ZDHHC14: variants seen among roughly 807,000 people sequenced by gnomAD.
ZDHHC14 encodes zDHHC palmitoyltransferase 14, also known as palmitoyltransferase ZDHHC14.
In ZDHHC14, 16 loss-of-function variants were observed where a neutral mutation model predicts 47.7. The ratio of observed to expected loss-of-function variants is 0.34; its 90% CI spans 0.23 to 0.51. The LOEUF (loss-of-function observed/expected upper bound fraction) is 0.51. ZDHHC14 is among the 20% of genes least tolerant of loss of function. The probability of loss-of-function intolerance (pLI) is 0.97; values close to 1 mark genes in which losing one functional copy is unlikely to be tolerated. For synonymous variants in ZDHHC14, 293 were observed against 278.9 expected, an observed-to-expected ratio of 1.05 and a Z score of -0.50; for missense variants, 515 against 662.5, an observed-to-expected ratio of 0.78 and a Z score of 2.44.
In ZDHHC14 at chr6:157,478,992, A is replaced by G. The variant is rs558074956; in HGVS notation, c.246-63593A>G. Among the ~76,000 whole-genome samples, 13 of 152,308 alleles carry G rather than the reference A, an allele frequency of 8.5e-5. No individual in the cohort carries two copies. In the East Asian group the frequency reaches 2.5e-3, roughly 29 times the overall value. ...ATGCCAACCCAGTGACACCCAGGAA[A>G]GGTCCGCGGGGAGACATAATGTCAG... On this transcript the variant is annotated intron_variant, in intron 1 of 8. Transcript: ENST00000359775.
chr6:157,491,594 A>G (rs1387619840), intron 1 of ZDHHC14, among the ~76,000 whole-genome samples: 1 of 152,276 alleles, frequency 6.6e-6, no homozygotes, highest in African/African-American at 2.4e-5. Context: ...ACTTCTGTGA[A>G]TGAGCTGAAT....
intron 2 of ZDHHC14, among the ~76,000 whole-genome samples, chr6:157,576,227 T>C (rs1783303344): frequency 6.6e-6 from 1 of 152,216 alleles, no homozygotes; most frequent in Non-Finnish European, 1.5e-5. Context: ...TTTTCTTGAG[T>C]CTTCCTGTGC....
intron 3 of ZDHHC14, among the ~76,000 whole-genome samples, chr6:157,625,122 C>T (rs913139362): frequency 6.6e-6 from 1 of 152,194 alleles, no homozygotes; most frequent in Admixed American, 6.5e-5. Context: ...TGCCCCACCT[C>T]TCAACACTGT....
At chr6:157,622,216 CAAAAAAAAAAAAAA>C (rs35681787) in intron 3 of ZDHHC14, among the ~76,000 whole-genome samples, 1 of 93,894 alleles carries the variant, frequency 1.1e-5, no homozygotes, top group African/African-American at 3.8e-5. Flanking sequence ...ACTAAAAATA[CAAAAAAAAAAAAAA>C]AAAAAAAAAT....
intron 8 of ZDHHC14, among the ~76,000 whole-genome samples, chr6:157,659,290 ATT>A (rs1322453990): frequency 1.3e-5 from 2 of 152,240 alleles, no homozygotes; most frequent in African/African-American, 4.8e-5. Flanking sequence ...TTTTTTAAAC[ATT>A]CTGTGAAATG....
chr6:157,401,779 G>C (rs1354374285), intron 1 of ZDHHC14, among the ~76,000 whole-genome samples: 2 of 149,006 alleles, frequency 1.3e-5, no homozygotes, highest in African/African-American at 5.0e-5. Context: ...TGAGGTCTCA[G>C]CTGCAGTAGT....
At chr6:157,663,783 C>T (rs1778439618) in intron 8 of ZDHHC14, among the ~76,000 whole-genome samples, 1 of 152,222 alleles carries the variant, frequency 6.6e-6, no homozygotes, top group Admixed American at 6.5e-5. Flanking sequence ...ACACGGGGCT[C>T]ACCACTTCCC....
intron 3 of ZDHHC14, among the ~76,000 whole-genome samples, chr6:157,608,096 A>AT (rs1179671413): frequency 1.3e-5 from 2 of 152,148 alleles, no homozygotes; most frequent in African/African-American, 4.8e-5. Context: ...GAAAACATGC[A>AT]TTTTTTTCCA....
At chr6:157,514,227 G>A (rs888876676) in intron 1 of ZDHHC14, among the ~76,000 whole-genome samples, 1 of 152,170 alleles carries the variant, frequency 6.6e-6, no homozygotes, top group Non-Finnish European at 1.5e-5. Flanking sequence ...TTTTTGGGGG[G>A]ACAAGGCAGA....
chr6:157,648,687 G>A (rs1201754671), intron 7 of ZDHHC14, among the ~76,000 whole-genome samples: 1 of 152,168 alleles, frequency 6.6e-6, no homozygotes, highest in African/African-American at 2.4e-5. Flanking sequence ...AGACCACAGG[G>A]GTCAGACATG....
intron 7 of ZDHHC14, among the ~76,000 whole-genome samples, chr6:157,652,539 C>T (rs540289395): frequency 6.6e-6 from 1 of 152,234 alleles, no homozygotes; most frequent in East Asian, 1.9e-4. Context: ...GCTGAGCCTT[C>T]ACTGGGGAGA....
intron 1 of ZDHHC14, among the ~76,000 whole-genome samples, chr6:157,514,959 G>T (rs1780628654): frequency 6.6e-6 from 1 of 152,238 alleles, no homozygotes; most frequent in Non-Finnish European, 1.5e-5. Flanking sequence ...AGCTCTTTCA[G>T]AAGTGTTTGC....
At chr6:157,532,085 G>A (rs1487520685) in intron 1 of ZDHHC14, among the ~76,000 whole-genome samples, 2 of 152,230 alleles carry the variant, frequency 1.3e-5, no homozygotes, top group African/African-American at 4.8e-5. Flanking sequence ...AGCCGCTGGG[G>A]GAGGAGGAGC....
chr6:157,465,083 AGC>A (rs1289131984), intron 1 of ZDHHC14, among the ~76,000 whole-genome samples: 1 of 144,748 alleles, frequency 6.9e-6, no homozygotes, highest in African/African-American at 2.6e-5. Flanking sequence ...TCTAAAAAGC[AGC>A]GTGTTTTTTT....
chr6:157,548,148 G>T (rs9456465), intron 2 of ZDHHC14, among the ~76,000 whole-genome samples: 94,702 of 151,840 alleles, frequency 0.62, 29,712 homozygotes, highest in African/African-American at 0.68. Context: ...GGCATTAAAG[G>T]TGGCTAATTT....
At chr6:157,458,871 T>G (rs1355244976) in intron 1 of ZDHHC14, among the ~76,000 whole-genome samples, 1 of 115,226 alleles carries the variant, frequency 8.7e-6, no homozygotes, top group Non-Finnish European at 2.0e-5. Flanking sequence ...TTTTTTTTTT[T>G]GAGACGGAGT....
chr6:157,542,687 C>T lies in ZDHHC14; in HGVS notation c.348C>T (p.Asp116=). Residue 116 remains aspartate (D), a synonymous_variant, in exon 2 of 9, where the codon GAC becomes GAT. Transcript: ENST00000359775. The part of the protein sequence containing the change: ...MGTLLRTSFS[D]PGVLPRATPD... ...CCCTGCTCCGCACCAGCTTCAGCGA[C>T]CCCGGAGTCCTCCCACGAGCCACGC... 2 of 1,614,158 alleles carry T rather than the reference C, an allele frequency of 1.2e-6. No homozygotes were observed. The highest frequency in any genetic ancestry group is 1.3e-5 in the African/African-American group (1 of 75,046).
At chr6:157,619,178 C>T (rs566732335) in intron 3 of ZDHHC14, among the ~76,000 whole-genome samples, 11 of 151,302 alleles carry the variant, frequency 7.3e-5, no homozygotes, top group Admixed American at 2.0e-4. Context: ...ATCAGGAGTT[C>T]GAGACCAGCC....
chr6:157,576,092 T>G (rs538535854), intron 2 of ZDHHC14, among the ~76,000 whole-genome samples: 20 of 152,320 alleles, frequency 1.3e-4, no homozygotes, highest in Admixed American at 1.2e-3. Context: ...TGCATGTGGC[T>G]TGGGTTTGAA....
Sources: allele counts gnomAD v4.1 joint callset (sites outside exome capture counted in the v4.1 genomes callset), GRCh38; gene constraint gnomAD v4.1.1; transcripts MANE v1.5; gene names NCBI Gene and HGNC (gene_info 2026-07-23, HGNC 2026-07-21).